The following PDE4D variants were observed in gnomAD, a reference collection of about 807,000 sequenced individuals.
PDE4D encodes the protein phosphodiesterase 4D, also known as 3',5'-cyclic-AMP phosphodiesterase 4D.
In PDE4D, 24 loss-of-function variants were observed where a neutral mutation model predicts 87.4. That is an observed-to-expected ratio of 0.27 (90% CI 0.20 to 0.39). The LOEUF is 0.39. PDE4D is among the 10% of genes least tolerant of loss of function. The probability of loss-of-function intolerance (pLI) is 1.00; values close to 1 mark genes in which losing one functional copy is unlikely to be tolerated. For synonymous variants in PDE4D, 384 were observed against 383.2 expected (o/e 1.00, Z -0.02); for missense variants, 714 against 1,041.0 (o/e 0.69, Z 4.32).
chr5:59,120,529 A>G (rs577574022), intron 5 of PDE4D, among the ~76,000 whole-genome samples: 1 of 152,180 alleles, frequency 6.6e-6, no homozygotes, highest in Admixed American at 6.5e-5. Context: ...AAAAAAATTG[A>G]TAAACATCTA....
intron 1 of PDE4D, among the ~76,000 whole-genome samples, chr5:59,373,446 A>C (rs1784250152): frequency 6.6e-6 from 1 of 152,222 alleles, no homozygotes; most frequent in South Asian, 2.1e-4. Context: ...AGAGCTTGAA[A>C]ACTGGCTTTC....
chr5:60,515,601 CTTTTTTTTT>C (rs954970783), intron 1 of PDE4D, among the ~76,000 whole-genome samples: 3 of 106,824 alleles, frequency 2.8e-5, no homozygotes, highest in African/African-American at 6.4e-5. Flanking sequence ...TTTTCTTTTT[CTTTTTTTTT>C]TTTTTTTTTC....
intron 3 of PDE4D, among the ~76,000 whole-genome samples, chr5:59,932,488 CTATTAT>C (rs1334077228): frequency 1.3e-5 from 2 of 152,116 alleles, no homozygotes; most frequent in Non-Finnish European, 2.9e-5. Flanking sequence ...TGCTTAGCTA[CTATTAT>C]TAAGTCCTCA....
intron 1 of PDE4D, among the ~76,000 whole-genome samples, chr5:59,441,052 A>G (rs910186472): frequency 6.6e-6 from 1 of 152,180 alleles, no homozygotes; most frequent in Non-Finnish European, 1.5e-5. Flanking sequence ...CACCTTTCTA[A>G]AAGTGCTATT....
At chr5:59,722,668 T>C (rs2150564972) in intron 1 of PDE4D, among the ~76,000 whole-genome samples, 1 of 152,304 alleles carries the variant, frequency 6.6e-6, no homozygotes, top group East Asian at 1.9e-4. Context: ...TGTTGGGGTT[T>C]ATTAATTATT....
At chr5:60,239,125 A>T (rs1010522075) in intron 1 of PDE4D, among the ~76,000 whole-genome samples, 4 of 152,120 alleles carry the variant, frequency 2.6e-5, no homozygotes, top group African/African-American at 9.6e-5. Flanking sequence ...CTTTACACCT[A>T]CATTCCACAT....
At chr5:60,019,380 C>T (rs1321984095) in intron 2 of PDE4D, among the ~76,000 whole-genome samples, 1 of 152,166 alleles carries the variant, frequency 6.6e-6, no homozygotes, top group Non-Finnish European at 1.5e-5. Flanking sequence ...AGAGTAGAGT[C>T]AACCTGTCCT....
intron 1 of PDE4D, among the ~76,000 whole-genome samples, chr5:59,355,282 T>A (rs1781194745): frequency 6.6e-6 from 1 of 152,190 alleles, no homozygotes; most frequent in Non-Finnish European, 1.5e-5. Flanking sequence ...TTATAATATA[T>A]TTGCAAACTA....
intron 6 of PDE4D, among the ~76,000 whole-genome samples, chr5:59,006,865 GA>G (rs1184233948): frequency 1.3e-5 from 2 of 152,198 alleles, no homozygotes; most frequent in African/African-American, 2.4e-5. Context: ...TTTGAATAGG[GA>G]AAAACAAAAC....
intron 2 of PDE4D, among the ~76,000 whole-genome samples, chr5:59,205,598 C>A (rs972790169): frequency 6.8e-6 from 1 of 147,130 alleles, no homozygotes; most frequent in African/African-American, 2.5e-5. Context: ...TCTATTTCTG[C>A]AACAGAATAT....
intron 1 of PDE4D, among the ~76,000 whole-genome samples, chr5:59,241,123 G>T (rs1389934110): frequency 6.6e-6 from 1 of 152,130 alleles, no homozygotes; most frequent in Non-Finnish European, 1.5e-5. Flanking sequence ...TTTGTGGGCA[G>T]CAGATTAAGA....
At chr5:59,070,085 A>G (rs888531051) in intron 5 of PDE4D, among the ~76,000 whole-genome samples, 1 of 152,190 alleles carries the variant, frequency 6.6e-6, no homozygotes, top group Non-Finnish European at 1.5e-5. Flanking sequence ...GAGAAATATT[A>G]CAGCAATTTC....
intron 1 of PDE4D, among the ~76,000 whole-genome samples, chr5:60,244,761 A>G (rs1289137400): frequency 2.6e-5 from 4 of 152,032 alleles, no homozygotes; most frequent in Non-Finnish European, 5.9e-5. Flanking sequence ...AAAAGAGTGA[A>G]ACCCAATCCC....
chr5:59,275,612 A>G (rs1027486089), intron 1 of PDE4D: 2 of 1,347,442 alleles, frequency 1.5e-6, no homozygotes, highest in Non-Finnish European at 1.9e-6. Flanking sequence ...TTCATACTGA[A>G]TTTACTCCAG....
chr5:59,960,489 A>G (rs1201225702), intron 3 of PDE4D, among the ~76,000 whole-genome samples: 2 of 152,202 alleles, frequency 1.3e-5, no homozygotes, highest in Non-Finnish European at 2.9e-5. Flanking sequence ...TAAAGAAAAT[A>G]TGGTACATAT....
rs1481288487 is a variant in PDE4D at position 60,519,696 on chromosome 5, C to T, written n.70+2355G>A. 2.6e-5 allele frequency among the ~76,000 whole-genome samples: 4 copies of T among 152,186 alleles called. No homozygotes were observed. The East Asian group carries it at 7.7e-4, about 29-fold the overall frequency. On this transcript the variant is annotated intron_variant and non_coding_transcript_variant, in intron 1 of 2. Coordinates refer to the PDE4D transcript ENST00000506510. ...GGGATTTTCCTTTGGTAACTGTCTC[C>T]AAAAGTGCCTTTGGAGGAGGCTTTT...
intron 1 of PDE4D, among the ~76,000 whole-genome samples, chr5:59,521,383 G>A (rs565144968): frequency 2.0e-5 from 3 of 152,300 alleles, no homozygotes; most frequent in Admixed American, 6.5e-5. Context: ...TGCTGGAAAC[G>A]TGGAGACCCC....
intron 2 of PDE4D, among the ~76,000 whole-genome samples, chr5:60,158,693 G>C (rs1782206181): frequency 1.3e-5 from 2 of 152,192 alleles, no homozygotes; most frequent in African/African-American, 2.4e-5. Flanking sequence ...CTTCAGAGCA[G>C]CTGGGACCAC....
intron 1 of PDE4D, among the ~76,000 whole-genome samples, chr5:60,197,333 G>T (rs1741394775): frequency 6.6e-6 from 1 of 151,282 alleles, no homozygotes; most frequent in South Asian, 2.1e-4. Context: ...ATACCCTTTG[G>T]TTCTTTAGTT....
Sources: allele counts gnomAD v4.1 joint callset (sites outside exome capture counted in the v4.1 genomes callset), GRCh38; gene constraint gnomAD v4.1.1; transcripts MANE v1.5; gene names NCBI Gene and HGNC (gene_info 2026-07-23, HGNC 2026-07-21).